RGL1: variants seen among roughly 807,000 people sequenced by gnomAD.
RGL1 encodes the protein ral guanine nucleotide dissociation stimulator-like 1.
RGL1 carries 24 observed loss-of-function variants against 95.2 expected under a neutral mutation model. The ratio of observed to expected loss-of-function variants is 0.25; its 90% CI spans 0.18 to 0.35. RGL1 has a LOEUF of 0.35. RGL1 is among the 10% of genes least tolerant of loss of function. RGL1 has a pLI of 1.00. For synonymous variants in RGL1, 329 were observed against 344.9 expected, an observed-to-expected ratio of 0.95 and a Z score of 0.51; for missense variants, 715 against 936.3, an observed-to-expected ratio of 0.76 and a Z score of 3.08.
At chr1:183,842,914 C>T (rs1036445448) in intron 2 of RGL1, among the ~76,000 whole-genome samples, 1 of 152,206 alleles carries the variant, frequency 6.6e-6, no homozygotes, top group Admixed American at 6.5e-5. Context: ...AAACTTTTAA[C>T]ATTTTAGCTT....
At chr1:183,906,069 T>C (rs1207154540) in intron 13 of RGL1, among the ~76,000 whole-genome samples, 2 of 152,094 alleles carry the variant, frequency 1.3e-5, no homozygotes, top group African/African-American at 4.8e-5. Flanking sequence ...CTTTGGAAGT[T>C]TATCATAAGG....
chr1:183,899,141 AGCT>A (rs1667872612), intron 10 of RGL1, among the ~76,000 whole-genome samples: 1 of 152,250 alleles, frequency 6.6e-6, no homozygotes, highest in South Asian at 2.1e-4. Flanking sequence ...TTTACAGAAA[AGCT>A]GCAAAGCTAG....
chr1:183,868,520 A>G (rs1189005293), intron 4 of RGL1, among the ~76,000 whole-genome samples: 1 of 152,148 alleles, frequency 6.6e-6, no homozygotes, highest in African/African-American at 2.4e-5. Context: ...CTCAGACCTA[A>G]TGGATTAGAA....
At chr1:183,806,720 G>C (rs577250630) in intron 2 of RGL1, among the ~76,000 whole-genome samples, 67 of 152,250 alleles carry the variant, frequency 4.4e-4, no homozygotes, top group African/African-American at 1.4e-3. Context: ...GAAACATCTT[G>C]AGGTCTTTGG....
chr1:183,684,822 C>T (rs1343147361), intron 1 of RGL1, among the ~76,000 whole-genome samples: 1 of 152,188 alleles, frequency 6.6e-6, no homozygotes, highest in African/African-American at 2.4e-5. Flanking sequence ...TCCCTCACAG[C>T]TTCCCTTGGC....
intron 2 of RGL1, among the ~76,000 whole-genome samples, chr1:183,836,135 A>G (rs979938666): frequency 6.6e-6 from 1 of 152,240 alleles, no homozygotes; most frequent in African/African-American, 2.4e-5. Context: ...TGCACTCAGT[A>G]AATACAAGTT....
At chr1:183,824,486 G>A (rs1387869110) in intron 2 of RGL1, among the ~76,000 whole-genome samples, 1 of 152,144 alleles carries the variant, frequency 6.6e-6, no homozygotes, top group African/African-American at 2.4e-5. Context: ...AAGCAAAAGA[G>A]GAGTGAAGTA....
chr1:183,900,063 A>T (rs1667928433), intron 10 of RGL1, 87 bp from the exon 11 acceptor site: 3 of 995,368 alleles, frequency 3.0e-6, no homozygotes, highest in Admixed American at 3.6e-5. Context: ...GGCCTTGAAT[A>T]CATCCATTTG....
At chr1:183,702,816 G>A (rs1201440049) in intron 1 of RGL1, among the ~76,000 whole-genome samples, 2 of 152,182 alleles carry the variant, frequency 1.3e-5, no homozygotes, top group African/African-American at 2.4e-5. Context: ...GCGCACCAAC[G>A]AACAACACAA....
chr1:183,670,299 A>T (rs541613502), intron 1 of RGL1, among the ~76,000 whole-genome samples: 1 of 152,306 alleles, frequency 6.6e-6, no homozygotes, highest in East Asian at 1.9e-4. Context: ...ATCAAACCCC[A>T]GTAGGCTCTG....
At chr1:183,801,998 T>C (rs1315147742), upstream of RGL1, among the ~76,000 whole-genome samples, 1 of 152,190 alleles carries the variant, frequency 6.6e-6, no homozygotes, top group African/African-American at 2.4e-5. Context: ...CAACATAAGA[T>C]TATGAGGGGT....
At chr1:183,710,403 G>A (rs1655188620) in intron 1 of RGL1, among the ~76,000 whole-genome samples, 1 of 152,182 alleles carries the variant, frequency 6.6e-6, no homozygotes, top group Non-Finnish European at 1.5e-5. Context: ...CTGGTGGTAA[G>A]GGGGAAGGTT....
chr1:183,693,469 C>T (rs965898862), intron 1 of RGL1, among the ~76,000 whole-genome samples: 6 of 151,814 alleles, frequency 4.0e-5, no homozygotes, highest in Admixed American at 2.6e-4. Flanking sequence ...GTCTTCCTTC[C>T]TTTCTTCTTT....
chr1:183,736,379 A>G (rs760709756), intron 1 of RGL1, among the ~76,000 whole-genome samples: 30 of 152,324 alleles, frequency 2.0e-4, no homozygotes, highest in Non-Finnish European at 3.4e-4. Context: ...CTTGTAGCCT[A>G]TTCATATTAA....
At chr1:183,859,061 C>G (rs113244217) in intron 3 of RGL1, among the ~76,000 whole-genome samples, 3,060 of 152,298 alleles carry the variant, frequency 0.02, 36 homozygotes, top group African/African-American at 0.044. Flanking sequence ...TGAACAGAGT[C>G]TGAGTGCTGC....
At chr1:183,648,802 A>G in intron 1 of RGL1, 1 of 1,547,612 alleles carries the variant, frequency 6.5e-7, no homozygotes, top group Non-Finnish European at 8.7e-7. Flanking sequence ...ACTGTCTTCT[A>G]GCTGCAAACC....
At chr1:183,801,283 G>A (rs1660977659), upstream of RGL1, among the ~76,000 whole-genome samples, 1 of 151,718 alleles carries the variant, frequency 6.6e-6, no homozygotes, top group African/African-American at 2.4e-5. Flanking sequence ...TATATGTGTT[G>A]GTCGTTTGTA....
intron 1 of RGL1, among the ~76,000 whole-genome samples, chr1:183,729,080 CAT>C (rs1177089899): frequency 6.6e-6 from 1 of 151,880 alleles, no homozygotes; most frequent in South Asian, 2.1e-4. Flanking sequence ...ATAGCATAAA[CAT>C]AAAAAGTATA....
At chr1:183,893,685 C>G (rs1667544398) in intron 9 of RGL1, among the ~76,000 whole-genome samples, 1 of 151,878 alleles carries the variant, frequency 6.6e-6, no homozygotes, top group African/African-American at 2.4e-5. Context: ...TAGACTCCTC[C>G]TTTTCTGGAA....
Sources: gnomAD v4.1 joint callset for allele counts (sites outside exome capture counted in the v4.1 genomes callset) on GRCh38, gnomAD v4.1.1 for gene constraint, MANE v1.5 for transcripts, NCBI Gene and HGNC (gene_info 2026-07-23, HGNC 2026-07-21) for gene names.